Variants in FRMPD4 observed in about 807,000 individuals in gnomAD.
The protein encoded by FRMPD4 is FERM and PDZ domain containing 4, also known as FERM and PDZ domain-containing protein 4.
A neutral mutation model predicts 94.1 loss-of-function variants in FRMPD4; 22 were observed. That is an observed-to-expected ratio of 0.23 (90% CI 0.17 to 0.33). FRMPD4 has a LOEUF of 0.33. Ranked by LOEUF, FRMPD4 falls within the 10% of genes least tolerant of loss-of-function variation. The pLI is 1.00. For synonymous variants in FRMPD4, 631 were observed against 548.6 expected, an observed-to-expected ratio of 1.15 and a Z score of -2.10; for missense variants, 1,111 against 1,339.9, an observed-to-expected ratio of 0.83 and a Z score of 2.67.
At chrX:12,308,513 T>C (rs138244059) in intron 1 of FRMPD4, among the ~76,000 whole-genome samples, 1,400 of 111,581 alleles carry the variant, frequency 0.013, 29 homozygotes, top group African/African-American at 0.043. Context: ...GACTTTGGAC[T>C]TCTCTTCCCT....
intron 1 of FRMPD4, among the ~76,000 whole-genome samples, chrX:12,438,931 C>T (rs913780398): frequency 9.0e-6 from 1 of 111,078 alleles, no homozygotes; most frequent in Non-Finnish European, 1.9e-5. Flanking sequence ...GTTCTCTGTG[C>T]GTCGCTCACC....
At chrX:12,560,786 T>C (rs1170598573) in intron 2 of FRMPD4, among the ~76,000 whole-genome samples, 1 of 60,739 alleles carries the variant, frequency 1.6e-5, no homozygotes, top group Non-Finnish European at 2.8e-5. Context: ...TTTTTTTTTT[T>C]TGAGACGGAG....
rs1044260157 is a variant in FRMPD4 at position 12,441,502 on chromosome X, ATCACACTCACTCCCCCTCAT to A, written c.42-57175_42-57156del. ...CTCCACGACAAAAGGATCCTCTAGT[ATCACACTCACTCCCCCTCAT>A]TCCTGTGGGAGACTCCCAGGATGCA... is the stretch of plus-strand genomic sequence containing the variant. On this transcript the variant is annotated intron_variant, in intron 1 of 16. Coordinates refer to ENST00000675598, the MANE Select transcript of FRMPD4 (RefSeq NM_001368397.1). 2.1e-4 allele frequency among the ~76,000 whole-genome samples: 23 copies of A among 111,606 alleles called. No homozygotes were observed. In the Middle Eastern group the frequency reaches 0.014, roughly 68 times the overall value.
chrX:11,970,724 C>T (rs769156164), intron 3 of FRMPD4, among the ~76,000 whole-genome samples: 53 of 111,715 alleles, frequency 4.7e-4, no homozygotes, highest in Non-Finnish European at 9.2e-4. Flanking sequence ...GAAAAGTTTT[C>T]GTGATTGCTT....
intron 2 of FRMPD4, among the ~76,000 whole-genome samples, chrX:12,509,081 A>T (rs1418107573): frequency 9.1e-6 from 1 of 110,200 alleles, no homozygotes; most frequent in Admixed American, 9.7e-5. Flanking sequence ...AAAACCAAAA[A>T]ATAGTAGATA....
At chrX:11,978,163 A>C (rs2054376983) in intron 3 of FRMPD4, among the ~76,000 whole-genome samples, 1 of 108,279 alleles carries the variant, frequency 9.2e-6, no homozygotes, top group Non-Finnish European at 1.9e-5. Flanking sequence ...TCTACTAAAA[A>C]TACAAAAAAT....
chrX:12,345,126 A>G (rs1358332676), intron 1 of FRMPD4, among the ~76,000 whole-genome samples: 1 of 97,992 alleles, frequency 1.0e-5, no homozygotes, highest in Non-Finnish European at 2.1e-5. Flanking sequence ...AGACAGACAA[A>G]TGAAAGGATG....
chrX:12,246,613 G>T (rs1489928040), intron 1 of FRMPD4, among the ~76,000 whole-genome samples: 2 of 110,661 alleles, frequency 1.8e-5, no homozygotes, highest in Non-Finnish European at 3.8e-5. Context: ...ACCACTTAGA[G>T]TCATAGGAAA....
At chrX:12,474,926 A>T (rs2057572743) in intron 1 of FRMPD4, among the ~76,000 whole-genome samples, 1 of 111,900 alleles carries the variant, frequency 8.9e-6, no homozygotes, top group Non-Finnish European at 1.9e-5. Context: ...TATTCCAATC[A>T]ATAGAAAAAG....
chrX:12,433,786 A>G (rs1471298847), intron 1 of FRMPD4, among the ~76,000 whole-genome samples: 2 of 111,981 alleles, frequency 1.8e-5, no homozygotes, highest in South Asian at 3.8e-4. Flanking sequence ...CAACTAAGTG[A>G]TATCAGCCTT....
intron 1 of FRMPD4, among the ~76,000 whole-genome samples, chrX:12,209,943 T>C (rs1444782553): frequency 1.8e-5 from 2 of 111,753 alleles, no homozygotes; most frequent in East Asian, 2.8e-4. Context: ...CTTCTCGGTA[T>C]CAGATGTTGC....
At chrX:12,068,998 G>T (rs1001402105) in intron 3 of FRMPD4, among the ~76,000 whole-genome samples, 1 of 112,102 alleles carries the variant, frequency 8.9e-6, no homozygotes, top group Non-Finnish European at 1.9e-5. Flanking sequence ...GCAGTAATCT[G>T]TGTTTTGAAG....
rs185654769 is a variant in FRMPD4, at chrX:12,020,709, T to G, written c.95+142691T>G. On this transcript the variant is annotated intron_variant, in intron 3 of 18. Transcript: ENST00000640291. ...CGAGAACAAATAAATGTTGAGTGAATGCATGCTATAGAGAGCCCTGCAGTA... is the reference window on the plus strand; with the variant it reads ...CGAGAACAAATAAATGTTGAGTGAAGGCATGCTATAGAGAGCCCTGCAGTA... 2.8e-3 allele frequency among the ~76,000 whole-genome samples: 309 copies of G among 112,050 alleles called. 2 individuals carry two copies. The highest frequency in any genetic ancestry group is 3.7e-3 in the Non-Finnish European group (198 of 53,192).
At chrX:12,126,192 C>A (rs999815128) in intron 3 of FRMPD4, among the ~76,000 whole-genome samples, 1 of 112,272 alleles carries the variant, frequency 8.9e-6, no homozygotes, top group East Asian at 2.8e-4. Context: ...GAGCTGACAA[C>A]TTAGCCACAG....
chrX:12,498,313 C>T (rs1377248121), intron 1 of FRMPD4, among the ~76,000 whole-genome samples: 5 of 111,542 alleles, frequency 4.5e-5, no homozygotes, highest in African/African-American at 6.5e-5. Flanking sequence ...TCTGCAGGTC[C>T]TGGGCTGAGG....
chrX:12,514,073 C>G (rs759470545), intron 2 of FRMPD4, among the ~76,000 whole-genome samples: 19 of 111,709 alleles, frequency 1.7e-4, no homozygotes, highest in Non-Finnish European at 3.6e-4. Flanking sequence ...ATTTTGTATC[C>G]TGAGACTTTG....
chrX:12,718,078 T>C lies in FRMPD4; in HGVS notation c.3252T>C (p.Thr1084=). 1.7e-6 allele frequency: 2 copies of C among 1,210,904 alleles called. No individual in the cohort carries two copies. Among genetic ancestry groups the C allele is most frequent in the Non-Finnish European group, 2.2e-6 (2 of 894,652 alleles). The change falls in exon 16 of 17, where the codon ACT becomes ACC. Residue 1084 remains threonine, a synonymous_variant. Transcript: ENST00000675598. ...QHLSTFNLER[T]AFRKDSQRWY... The stretch of plus-strand genomic sequence containing the variant: ...TGAGCACTTTTAATCTGGAGAGAAC[T>C]GCCTTTCGCAAGGACAGTCAAAGAT...
chrX:12,022,858 C>T (rs1282525264), intron 3 of FRMPD4, among the ~76,000 whole-genome samples: 3 of 111,113 alleles, frequency 2.7e-5, no homozygotes, highest in Non-Finnish European at 5.7e-5. Flanking sequence ...TGTCTCACGT[C>T]CCCCAATCCT....
chrX:12,362,984 G>A (rs1219333220), intron 1 of FRMPD4, among the ~76,000 whole-genome samples: 1 of 112,285 alleles, frequency 8.9e-6, no homozygotes, highest in Non-Finnish European at 1.9e-5. Context: ...TCATGTGTCT[G>A]TTGGCTGCAT....
Sources: gnomAD v4.1 joint callset for allele counts (sites outside exome capture counted in the v4.1 genomes callset) on GRCh38, gnomAD v4.1.1 for gene constraint, MANE v1.5 for transcripts, NCBI Gene and HGNC (gene_info 2026-07-23, HGNC 2026-07-21) for gene names.